CDC123: variants seen among roughly 807,000 people sequenced by gnomAD.
CDC123 encodes cell division cycle 123.
CDC123 carries 37 observed loss-of-function variants against 54.4 expected under a neutral mutation model. The ratio of observed to expected loss-of-function variants is 0.68; its 90% CI spans 0.52 to 0.89. The LOEUF (loss-of-function observed/expected upper bound fraction) is 0.89, where lower values mean the gene tolerates loss of function less well. CDC123 is among the 40% of genes least tolerant of loss of function. The pLI, the probability that CDC123 is intolerant of heterozygous loss-of-function variation, is 0.00. For synonymous variants in CDC123, 144 were observed against 136.8 expected (o/e 1.05, Z -0.37); for missense variants, 361 against 412.1 (o/e 0.88, Z 1.07).
intron 6 of CDC123, among the ~76,000 whole-genome samples, chr10:12,227,132 TG>T (rs2131749930): frequency 6.6e-6 from 1 of 152,196 alleles, no homozygotes; most frequent in East Asian, 1.9e-4. Context: ...GGCGTGCGCC[TG>T]CAATCCCAGG....
At chr10:12,227,791 C>T (rs776379044) in intron 6 of CDC123, among the ~76,000 whole-genome samples, 1 of 152,008 alleles carries the variant, frequency 6.6e-6, no homozygotes, top group Non-Finnish European at 1.5e-5. Flanking sequence ...TCACCGCACC[C>T]AGTCCAAAAA....
At chr10:12,221,861 A>G (rs917992810) in intron 6 of CDC123, among the ~76,000 whole-genome samples, 4 of 152,140 alleles carry the variant, frequency 2.6e-5, no homozygotes, top group African/African-American at 4.8e-5. Flanking sequence ...GGCCCAAGAC[A>G]ATTCTTCCTC....
chr10:12,246,300 A>G (rs1588685371), intron 11 of CDC123, 23 bp downstream of exon 11: 1 of 1,613,232 alleles, frequency 6.2e-7, no homozygotes, highest in Non-Finnish European at 8.5e-7. Context: ...TAAGACAGAT[A>G]CAATGTAAAC....
rs113913802 is a variant in CDC123 at position 12,217,411 on chromosome 10, C to T, written c.384C>T (p.Ser128=). The T allele has an allele frequency of 6.7e-5, 108 of 1,614,028 alleles. No homozygotes were observed. In the African/African-American group the frequency reaches 9.9e-4, roughly 15 times the overall value. The change falls in exon 6 of 13, where the codon AGC becomes AGT. Residue 128 remains serine (S), a synonymous_variant. Coordinates refer to ENST00000281141, the MANE Select transcript of CDC123 (RefSeq NM_006023.3). ...GTTCTCTGAAATGTAAAACCCTCAG[C>T]GACATCTTTCTGCTTTTCAAGAGTT... ...MNSSLKCKTL[S]DIFLLFKSSD...
chr10:12,224,302 T>C (rs911237403), intron 6 of CDC123, among the ~76,000 whole-genome samples: 3 of 152,010 alleles, frequency 2.0e-5, no homozygotes, highest in Non-Finnish European at 4.4e-5. Flanking sequence ...TTTTTTTTTT[T>C]CTTTCCTTTC....
chr10:12,220,077 C>T (rs547968139), intron 6 of CDC123, among the ~76,000 whole-genome samples: 4 of 152,212 alleles, frequency 2.6e-5, no homozygotes, highest in African/African-American at 7.2e-5. Flanking sequence ...GTGATCCGCC[C>T]GCCTTGGCTT....
At chr10:12,229,756 T>C (rs1835873066) in intron 6 of CDC123, among the ~76,000 whole-genome samples, 1 of 152,256 alleles carries the variant, frequency 6.6e-6, no homozygotes, top group Admixed American at 6.5e-5. Context: ...TAATAAGCGA[T>C]ATGAAACATT....
At chr10:12,240,901 G>A (rs552241023) in intron 10 of CDC123, among the ~76,000 whole-genome samples, 16 of 152,292 alleles carry the variant, frequency 1.1e-4, no homozygotes, top group African/African-American at 2.9e-4. Flanking sequence ...AATCCCGTAC[G>A]TGTGTCATTT....
At chr10:12,207,587 G>A (rs1267567103) in intron 2 of CDC123, among the ~76,000 whole-genome samples, 1 of 152,180 alleles carries the variant, frequency 6.6e-6, no homozygotes, top group Non-Finnish European at 1.5e-5. Flanking sequence ...GGTGGAGCTT[G>A]ATGCCTGAGG....
At chr10:12,196,547 A>G (rs919321254) in intron 1 of CDC123, among the ~76,000 whole-genome samples, 9 of 152,142 alleles carry the variant, frequency 5.9e-5, no homozygotes, top group Admixed American at 3.9e-4. Flanking sequence ...CGGGAGGAAT[A>G]GTGGATTAAC....
intron 1 of CDC123, 145 bp downstream of exon 1, chr10:12,196,464 T>A: frequency 8.8e-7 from 1 of 1,134,322 alleles, no homozygotes; most frequent in Non-Finnish European, 1.3e-6. Flanking sequence ...TCAGCAATTG[T>A]CTGCGTCCTG....
intron 6 of CDC123, among the ~76,000 whole-genome samples, chr10:12,218,030 A>G (rs901760305): frequency 2.0e-5 from 3 of 152,138 alleles, no homozygotes; most frequent in African/African-American, 7.2e-5. Flanking sequence ...CGGAGTTTGT[A>G]GTGAGCCGAG....
intron 6 of CDC123, among the ~76,000 whole-genome samples, chr10:12,219,334 G>GT (rs752490392): frequency 2.0e-5 from 3 of 152,098 alleles, no homozygotes; most frequent in Non-Finnish European, 4.4e-5. Flanking sequence ...AGAAAAAAGT[G>GT]TGTGTGTGTG....
chr10:12,197,931 G>A (rs995571907), intron 1 of CDC123, among the ~76,000 whole-genome samples: 1 of 152,066 alleles, frequency 6.6e-6, no homozygotes, highest in Non-Finnish European at 1.5e-5. Context: ...AGTCATTGAT[G>A]TTCTGTTAAC....
Sources: allele counts gnomAD v4.1 joint callset (sites outside exome capture counted in the v4.1 genomes callset), GRCh38; gene constraint gnomAD v4.1.1; transcripts MANE v1.5; gene names NCBI Gene and HGNC (gene_info 2026-07-23, HGNC 2026-07-21).